Variants in ZNF257 observed in about 807,000 individuals in gnomAD.
The protein encoded by ZNF257 is zinc finger protein 257, also known as bone marrow zinc finger 4.
A neutral mutation model predicts 11.9 loss-of-function variants in ZNF257; 12 were observed. That is an observed-to-expected ratio of 1.01 (90% CI 0.65 to 1.63). The LOEUF is 1.63. Ranked by LOEUF, ZNF257 falls within the 40% of genes most tolerant of loss-of-function variation. The pLI is 0.00. For missense variants in ZNF257, 580 were observed against 665.5 expected (o/e 0.87, Z 1.41); for synonymous variants, 183 against 222.7 (o/e 0.82, Z 1.59).
chr19:22,079,095 G>A (rs1429418408), intron 3 of ZNF257, among the ~76,000 whole-genome samples: 1 of 151,944 alleles, frequency 6.6e-6, no homozygotes, highest in African/African-American at 2.4e-5. Flanking sequence ...GCACCTGGCT[G>A]GTATCCAGTT....
chr19:22,076,782 G>T (rs1350974190), intron 3 of ZNF257, among the ~76,000 whole-genome samples: 2 of 152,030 alleles, frequency 1.3e-5, no homozygotes, highest in Non-Finnish European at 2.9e-5. Context: ...TCCGCCTCCC[G>T]GGTTCACGCC....
rs972191447 is a variant in ZNF257, at chr19:22,090,231, C to A, written c.*789C>A. ...CAAATGATCTTTCAGAAATATAAAC[C>A]TTTAAAGTGAAGAAGAGTTCATTCT... On this transcript the variant is annotated 3_prime_UTR_variant, in exon 4 of 4. Coordinates refer to ENST00000594947, the MANE Select transcript of ZNF257 (RefSeq NM_033468.4). 4.6e-5 allele frequency: 7 copies of A among 151,846 alleles called. No individual in the cohort carries two copies. Among genetic ancestry groups the A allele is most frequent in the Non-Finnish European group, 7.4e-5 (5 of 67,956 alleles). The allele number at this position is 151,846 out of a possible 1,614,324, so 9.4% of individuals were successfully genotyped here.
intron 3 of ZNF257, among the ~76,000 whole-genome samples, chr19:22,082,280 G>A (rs1371512204): frequency 3.3e-5 from 5 of 152,030 alleles, no homozygotes; most frequent in Non-Finnish European, 7.4e-5. Flanking sequence ...TAATAGAGAG[G>A]TTTATATTTA....
chr19:22,086,372 T>C (rs2022476245), intron 3 of ZNF257, among the ~76,000 whole-genome samples: 2 of 152,250 alleles, frequency 1.3e-5, no homozygotes, highest in Admixed American at 1.3e-4. Context: ...GATTATATGT[T>C]GTATATTTAT....
intron 1 of ZNF257, among the ~76,000 whole-genome samples, chr19:22,071,508 A>G (rs1487833428): frequency 3.9e-5 from 6 of 151,996 alleles, no homozygotes; most frequent in African/African-American, 1.2e-4. Flanking sequence ...AACATGTCTC[A>G]TATCAAGAGC....
Position 22,074,969 on chromosome 19 carries a change from T to C in ZNF257, c.226+1405T>C, listed in dbSNP as rs1430937496. 1.3e-5 allele frequency among the ~76,000 whole-genome samples: 2 copies of C among 152,218 alleles called. 1 individual carries two copies. Among genetic ancestry groups the C allele is most frequent in the African/African-American group, 4.8e-5 (2 of 41,424 alleles). ...CATTGACAAGGTGCACAATATAATT[T>C]TGCATTTGGTGTCTGTGAATTTGAA... On this transcript the variant is annotated intron_variant, in intron 3 of 3. Transcript: ENST00000594947.
At chr19:22,071,275 G>T (rs1487658769) in intron 1 of ZNF257, among the ~76,000 whole-genome samples, 1 of 152,086 alleles carries the variant, frequency 6.6e-6, no homozygotes, top group Non-Finnish European at 1.5e-5. Context: ...TCATAGAGAA[G>T]CTCATTGTTC....
Position 22,088,893 on chromosome 19 carries a change from T to C in ZNF257, c.1143T>C (p.Phe381=), listed in dbSNP as rs761815127. 13 of 1,612,510 alleles carry C rather than the reference T, an allele frequency of 8.1e-6. No homozygotes were observed. Among genetic ancestry groups the C allele is most frequent in the Non-Finnish European group, 9.3e-6 (11 of 1,179,010 alleles). ...PYKCEECGKA[F]NRSSHLTKHK... is the part of the protein sequence containing the mutation. ...AATGTGAAGAGTGTGGAAAAGCCTTTAACCGGTCTTCACACCTTACTAAAC... is the reference window on the plus strand; with the variant it reads ...AATGTGAAGAGTGTGGAAAAGCCTTCAACCGGTCTTCACACCTTACTAAAC... Residue 381 remains phenylalanine (F), a synonymous_variant, in exon 4 of 4, where the codon TTT becomes TTC. Coordinates refer to ENST00000594947, the MANE Select transcript of ZNF257 (RefSeq NM_033468.4).
intron 1 of ZNF257, among the ~76,000 whole-genome samples, chr19:22,061,243 T>C (rs2021787763): frequency 6.6e-6 from 1 of 152,242 alleles, no homozygotes; most frequent in Admixed American, 6.5e-5. Flanking sequence ...TATTGATCTT[T>C]TCTATCCATG....
Position 22,073,474 on chromosome 19 carries a change from G to T in ZNF257, c.136G>T (p.Ala46Ser), listed in dbSNP as rs2022153566. 2.5e-6 allele frequency: 4 copies of T among 1,605,904 alleles called. No individual in the cohort carries two copies. Among genetic ancestry groups the T allele is most frequent in the South Asian group, 2.2e-5 (2 of 89,426 alleles). ...TACTTATTTTTAAAAAACAGGTATT[G>T]CTGTCTCTAAGCCAGACCTGATCAC... ...NYRNLVFLGIAVSKPDLITCL... is the reference protein window; with the variant it reads ...NYRNLVFLGISVSKPDLITCL... The change falls in exon 3 of 4, where the codon GCT becomes TCT. Residue 46 changes from alanine to serine, a missense_variant. Transcript: ENST00000594947.
chr19:22,073,979 A>AT (rs2022169362), intron 3 of ZNF257, among the ~76,000 whole-genome samples: 1 of 151,972 alleles, frequency 6.6e-6, no homozygotes, highest in Admixed American at 6.6e-5. Context: ...GTTCCATTGA[A>AT]TTTTTTAATT....
intron 3 of ZNF257, among the ~76,000 whole-genome samples, chr19:22,077,514 AT>A (rs1390981357): frequency 2.0e-5 from 3 of 152,226 alleles, no homozygotes; most frequent in Non-Finnish European, 4.4e-5. Flanking sequence ...AAAATATCTC[AT>A]ATTAGTGGAA....
intron 1 of ZNF257, among the ~76,000 whole-genome samples, chr19:22,056,840 G>A (rs934537974): frequency 6.6e-6 from 1 of 152,072 alleles, no homozygotes; most frequent in Non-Finnish European, 1.5e-5. Context: ...GCAATTCCAA[G>A]GCTTAGCTTT....
rs755297922 is a variant in ZNF257 at position 22,088,724 on chromosome 19, T to C, written c.974T>C (p.Phe325Ser). The C allele has an allele frequency of 6.5e-5, 105 of 1,612,070 alleles. No homozygotes were observed. Among genetic ancestry groups the C allele is most frequent in the Non-Finnish European group, 8.8e-5 (104 of 1,179,532 alleles). ...PYKCEECGKA[F>S]NQSSALTRHK... Reference sequence around the variant, plus strand: ...AAATGTGAAGAGTGTGGCAAAGCCTTTAACCAGTCCTCAGCCCTTACTCGA... The same window carrying C: ...AAATGTGAAGAGTGTGGCAAAGCCTCTAACCAGTCCTCAGCCCTTACTCGA... Residue 325 changes from phenylalanine (F) to serine (S), a missense_variant, in exon 4 of 4, where the codon TTT (phenylalanine) becomes TCT (serine). By Grantham distance (155) the Phe-to-Ser change is radical (BLOSUM62 -2). Transcript: ENST00000594947.
At chr19:22,073,765 C>T (rs1292593760) in intron 3 of ZNF257, among the ~76,000 whole-genome samples, 2 of 152,002 alleles carry the variant, frequency 1.3e-5, no homozygotes, top group Non-Finnish European at 2.9e-5. Flanking sequence ...TCTAAAGATT[C>T]TACTTTCCTT....
At chr19:22,056,270 G>A (rs1412776840) in intron 1 of ZNF257, among the ~76,000 whole-genome samples, 4 of 151,818 alleles carry the variant, frequency 2.6e-5, no homozygotes, top group East Asian at 1.9e-4. Context: ...TGGGCAACAC[G>A]GTGAAACTCC....
At chr19:22,063,103 G>A (rs905405559) in intron 1 of ZNF257, among the ~76,000 whole-genome samples, 1 of 152,086 alleles carries the variant, frequency 6.6e-6, no homozygotes, top group Admixed American at 6.6e-5. Context: ...TTGGCAGGAT[G>A]TATTTGTCCA....
intron 1 of ZNF257, among the ~76,000 whole-genome samples, chr19:22,059,698 T>C (rs2021742905): frequency 6.6e-6 from 1 of 151,448 alleles, no homozygotes; most frequent in Admixed American, 6.6e-5. Context: ...ATGTACCATA[T>C]TTTGTTTTTA....
At chr19:22,072,983 A>AT (rs537533711) in intron 2 of ZNF257, 48 bp downstream of exon 2, 1 of 1,447,950 alleles carries the variant, frequency 6.9e-7, no homozygotes, top group Middle Eastern at 1.8e-4. Context: ...CAAAGGCTTT[A>AT]TTTTTTATTT....
Sources: gnomAD v4.1 joint callset for allele counts (sites outside exome capture counted in the v4.1 genomes callset) on GRCh38, gnomAD v4.1.1 for gene constraint, MANE v1.5 for transcripts, NCBI Gene and HGNC (gene_info 2026-07-23, HGNC 2026-07-21) for gene names.